The following MED27 variants were observed in gnomAD, a reference collection of about 807,000 sequenced individuals.
MED27 encodes the protein mediator of RNA polymerase II transcription subunit 27.
MED27 carries 30 observed loss-of-function variants against 38.2 expected under a neutral mutation model. The ratio of observed to expected loss-of-function variants is 0.79; its 90% CI spans 0.59 to 1.07. MED27 has a LOEUF of 1.07. Ranked by LOEUF, MED27 falls within the 50% of genes least tolerant of loss-of-function variation. MED27 has a pLI of 0.00. For synonymous variants in MED27, 122 were observed against 153.5 expected (o/e 0.79, Z 1.52); for missense variants, 289 against 397.5 (o/e 0.73, Z 2.32).
intron 5 of MED27, among the ~76,000 whole-genome samples, chr9:131,890,611 T>C (rs963903727): frequency 1.3e-5 from 2 of 152,192 alleles, no homozygotes; most frequent in African/African-American, 4.8e-5. Flanking sequence ...ATATCCCAAG[T>C]AGGCTTTTTC....
chr9:132,012,528 T>G (rs1437583521), intron 3 of MED27, among the ~76,000 whole-genome samples: 1 of 152,146 alleles, frequency 6.6e-6, no homozygotes, highest in Non-Finnish European at 1.5e-5. Flanking sequence ...AGTGGTGGCA[T>G]AAGAACGTCC....
At chr9:131,915,060 A>G (rs1048022514) in intron 4 of MED27, among the ~76,000 whole-genome samples, 11 of 152,224 alleles carry the variant, frequency 7.2e-5, no homozygotes, top group Admixed American at 7.2e-4. Flanking sequence ...AAGGATGTCA[A>G]CTTGGGTGCA....
At chr9:132,055,516 C>T (rs1833557443) in intron 2 of MED27, among the ~76,000 whole-genome samples, 1 of 152,146 alleles carries the variant, frequency 6.6e-6, no homozygotes, top group South Asian at 2.1e-4. Flanking sequence ...TTTACAAGAT[C>T]AAACAGGACA....
intron 2 of MED27, among the ~76,000 whole-genome samples, chr9:132,045,430 AC>A (rs1833311634): frequency 6.6e-6 from 1 of 151,346 alleles, no homozygotes; most frequent in Admixed American, 6.6e-5. Flanking sequence ...ACACACACAC[AC>A]ACACACACAC....
chr9:132,073,649 C>T (rs1476293594), intron 2 of MED27: 22 of 1,458,874 alleles, frequency 1.5e-5, no homozygotes, highest in Non-Finnish European at 2.0e-5. Flanking sequence ...CATTAAGCAA[C>T]TGGATTCTAA....
chr9:131,867,752 T>C (rs972339740), intron 6 of MED27, among the ~76,000 whole-genome samples: 1 of 152,246 alleles, frequency 6.6e-6, no homozygotes, highest in Admixed American at 6.5e-5. Context: ...CTCCAGGCTA[T>C]TCCTAGGGAT....
At chr9:132,061,278 C>A (rs973188190) in intron 2 of MED27, among the ~76,000 whole-genome samples, 6 of 152,326 alleles carry the variant, frequency 3.9e-5, no homozygotes, top group South Asian at 2.1e-4. Context: ...CAGGCCCTGT[C>A]CCTTGAGGGC....
intron 2 of MED27, among the ~76,000 whole-genome samples, chr9:132,069,600 A>G (rs997217571): frequency 4.6e-5 from 7 of 152,242 alleles, no homozygotes; most frequent in Non-Finnish European, 1.0e-4. Flanking sequence ...TGGAGCATAC[A>G]AAAAGGCTGT....
chr9:131,903,250 CAA>C (rs1829987099), intron 4 of MED27, among the ~76,000 whole-genome samples: 1 of 152,152 alleles, frequency 6.6e-6, no homozygotes. Context: ...TGGCAGCAGG[CAA>C]AGAGAGAGCT....
intron 4 of MED27, among the ~76,000 whole-genome samples, chr9:131,938,965 A>C (rs1255258911): frequency 6.6e-6 from 1 of 152,104 alleles, no homozygotes; most frequent in Non-Finnish European, 1.5e-5. Flanking sequence ...CGCCCGCCTC[A>C]GCCTCCCAAA....
At chr9:131,998,305 C>T (rs1288447676) in intron 3 of MED27, among the ~76,000 whole-genome samples, 8 of 150,324 alleles carry the variant, frequency 5.3e-5, no homozygotes, top group Admixed American at 2.0e-4. Context: ...CTTCCTCCTC[C>T]ATTGGTCACT....
chr9:131,867,736 C>T (rs1051391894), intron 6 of MED27, among the ~76,000 whole-genome samples: 2 of 152,354 alleles, frequency 1.3e-5, no homozygotes, highest in African/African-American at 2.4e-5. Context: ...GACACTAAGT[C>T]AGCCCCTCCA....
chr9:131,932,214 C>T (rs765058413), intron 4 of MED27, among the ~76,000 whole-genome samples: 4 of 151,406 alleles, frequency 2.6e-5, no homozygotes, highest in Non-Finnish European at 4.4e-5. Context: ...CAATCAATAA[C>T]GAGAGGAATT....
At chr9:131,904,418 A>G (rs1402160464) in intron 4 of MED27, among the ~76,000 whole-genome samples, 3 of 151,926 alleles carry the variant, frequency 2.0e-5, no homozygotes, top group Non-Finnish European at 4.4e-5. Context: ...TTATTTTTTT[A>G]GAGACAGGGT....
At chr9:132,037,902 T>C (rs1397379389) in intron 2 of MED27, among the ~76,000 whole-genome samples, 1 of 152,116 alleles carries the variant, frequency 6.6e-6, no homozygotes, top group African/African-American at 2.4e-5. Flanking sequence ...GGATATGTCA[T>C]CTGCCTCCCC....
At chr9:131,903,776 G>T (rs898292450) in intron 4 of MED27, among the ~76,000 whole-genome samples, 1 of 152,102 alleles carries the variant, frequency 6.6e-6, no homozygotes. Flanking sequence ...TGCCCAGGTT[G>T]GAGTGCAGTA....
intron 6 of MED27, among the ~76,000 whole-genome samples, chr9:131,865,932 TGTGA>T (rs1269080577): frequency 6.6e-6 from 1 of 152,210 alleles, no homozygotes; most frequent in Non-Finnish European, 1.5e-5. Flanking sequence ...TCCTCATCTC[TGTGA>T]GTGTGACCCT....
chr9:132,076,721 C>T (rs938075018), intron 2 of MED27, among the ~76,000 whole-genome samples: 4 of 152,224 alleles, frequency 2.6e-5, no homozygotes, highest in South Asian at 4.1e-4. Flanking sequence ...CAAAAAAAGC[C>T]CATACACACA....
chr9:131,888,126 T>C (rs1241199894), intron 5 of MED27, among the ~76,000 whole-genome samples: 2 of 152,208 alleles, frequency 1.3e-5, no homozygotes, highest in African/African-American at 4.8e-5. Context: ...TCTGCAATGC[T>C]GACCACCACC....
Sources: gnomAD v4.1 joint callset for allele counts (sites outside exome capture counted in the v4.1 genomes callset) on GRCh38, gnomAD v4.1.1 for gene constraint, MANE v1.5 for transcripts, NCBI Gene and HGNC (gene_info 2026-07-23, HGNC 2026-07-21) for gene names.